ENTPD4: variants seen among roughly 807,000 people sequenced by gnomAD.
ENTPD4 encodes the protein ectonucleoside triphosphate diphosphohydrolase 4.
In ENTPD4, 60 loss-of-function variants were observed where a neutral mutation model predicts 79.1. The ratio of observed to expected loss-of-function variants is 0.76; its 90% CI spans 0.62 to 0.94. The LOEUF (loss-of-function observed/expected upper bound fraction) is 0.94, where lower values mean the gene tolerates loss of function less well. Among genes scored for constraint, ENTPD4 ranks in the 40% least tolerant of loss-of-function variants. The probability of loss-of-function intolerance (pLI) is 0.00; values close to 1 mark genes in which losing one functional copy is unlikely to be tolerated. For missense variants in ENTPD4, 772 were observed against 775.1 expected, an observed-to-expected ratio of 1.00 and a Z score of 0.05; for synonymous variants, 276 against 292.0, an observed-to-expected ratio of 0.95 and a Z score of 0.56.
At chr8:23,441,358 A>G in intron 8 of ENTPD4, 5 of 963,372 alleles carry the variant, frequency 5.2e-6, no homozygotes, top group Non-Finnish European at 6.2e-6. Flanking sequence ...CTCTACGTTC[A>G]GAAAACAAAC....
rs1006878891 is a variant in ENTPD4, at chr8:23,449,895, C to T, written c.6G>A (p.Gly2=). The change falls in exon 2 of 13, where the codon GGG becomes GGA. Residue 2 remains glycine, a splice_region_variant and synonymous_variant. Transcript: ENST00000358689. M[G]RIGISCLFPA... is the part of the protein sequence containing the mutation. ...TGGTGATTAGGCCCATCACTTACCT[C>T]CCCATACTGAAAGGTCAGCAACAAG... 1.2e-6 allele frequency: 2 copies of T among 1,613,286 alleles called. No homozygotes were observed. Among genetic ancestry groups the T allele is most frequent in the South Asian group, 1.1e-5 (1 of 91,068 alleles).
intron 1 of ENTPD4, among the ~76,000 whole-genome samples, chr8:23,456,255 T>A (rs1382722575): frequency 6.6e-6 from 1 of 152,242 alleles, no homozygotes; most frequent in African/African-American, 2.4e-5. Context: ...CCACACAAGC[T>A]GTCTCCATGC....
At chr8:23,433,555 C>A (rs1365065177) in intron 12 of ENTPD4, among the ~76,000 whole-genome samples, 1 of 152,120 alleles carries the variant, frequency 6.6e-6, no homozygotes, top group African/African-American at 2.4e-5. Flanking sequence ...GGGGGAAGAG[C>A]AAATGTCTCA....
chr8:23,448,658 A>G, intron 3 of ENTPD4, 84 bp downstream of exon 3: 1 of 1,128,632 alleles, frequency 8.9e-7, no homozygotes, highest in Non-Finnish European at 1.3e-6. Context: ...CACCCAGTCT[A>G]TGGAATTCTG....
intron 6 of ENTPD4, among the ~76,000 whole-genome samples, chr8:23,442,814 C>T (rs1274344155): frequency 6.6e-6 from 1 of 152,006 alleles, no homozygotes; most frequent in African/African-American, 2.4e-5. Context: ...CCATCTAATC[C>T]ATCCCTGCCC....
In ENTPD4 at chr8:23,448,930, G is replaced by A. The variant is rs1465235003; in HGVS notation, c.18C>T (p.Ile6=). The change falls in exon 3 of 13, where the codon ATC becomes ATT. Residue 6 remains isoleucine (I), a synonymous_variant. Transcript: ENST00000358689. MGRIG[I]SCLFPASWHF... is the part of the protein sequence containing the mutation. ...GCCAAGAAGCAGGAAAAAGACAGGA[G>A]ATGCCAATCCTGAAATTAGAAGGAA... The A allele has an allele frequency of 1.9e-6, 3 of 1,613,142 alleles. No homozygotes were observed. Among genetic ancestry groups the A allele is most frequent in the Non-Finnish European group, 2.5e-6 (3 of 1,179,442 alleles).
chr8:23,456,530 G>A (rs1344499298), intron 1 of ENTPD4, among the ~76,000 whole-genome samples: 2 of 152,042 alleles, frequency 1.3e-5, no homozygotes, highest in Non-Finnish European at 2.9e-5. Flanking sequence ...TATCCTCAAG[G>A]GCCTCAGTCA....
At chr8:23,440,384 T>C (rs556799408) in intron 8 of ENTPD4, among the ~76,000 whole-genome samples, 1 of 152,028 alleles carries the variant, frequency 6.6e-6, no homozygotes, top group Non-Finnish European at 1.5e-5. Context: ...TAAACTAAGA[T>C]TATAACAACC....
At chr8:23,437,879 A>G (rs1800600152) in intron 9 of ENTPD4, among the ~76,000 whole-genome samples, 1 of 152,190 alleles carries the variant, frequency 6.6e-6, no homozygotes, top group African/African-American at 2.4e-5. Context: ...CTAAAAACAG[A>G]CCTTGGTTCA....
chr8:23,434,203 C>T lies in ENTPD4; in HGVS notation c.1622+114G>A, dbSNP rs139776546. On this transcript the variant is annotated intron_variant, in intron 12 of 12. Transcript: ENST00000358689. ...AACGTCACTGTCCCTACAATTCTGC[C>T]GTGGCCGGCTCTAACAGCAATGCCC... 787 of 1,380,636 alleles carry T rather than the reference C, an allele frequency of 5.7e-4. 3 individuals are homozygous for T. The African/African-American group carries it at 0.01, about 18-fold the overall frequency. 85.5% of individuals were successfully genotyped at this position (1,380,636 alleles called of 1,614,324 possible).
chr8:23,431,198 C>G lies in ENTPD4; in HGVS notation c.*1728G>C, dbSNP rs1800448675. On this transcript the variant is annotated 3_prime_UTR_variant, in exon 13 of 13. Transcript: ENST00000358689. ...CCCTAATGCTCAGTTCATGGCAATA[C>G]AGGCCTTTTCTCTCCTGTTTCTCCA... The G allele has an allele frequency of 2.5e-6, 1 of 404,546 alleles. No homozygotes were observed. The highest frequency in any genetic ancestry group is 1.0e-4 in the South Asian group (1 of 9,590). The allele number at this position is 404,546 out of a possible 1,614,324, so 25.1% of individuals were successfully genotyped here.
chr8:23,442,169 G>T, intron 6 of ENTPD4, 103 bp from the exon 7 acceptor site: 1 of 738,838 alleles, frequency 1.4e-6, no homozygotes, highest in South Asian at 1.7e-5. Context: ...TTCACTCCCT[G>T]ATAACCTGTA....
intron 2 of ENTPD4, among the ~76,000 whole-genome samples, chr8:23,449,464 G>A (rs1800821292): frequency 6.6e-6 from 1 of 152,158 alleles, no homozygotes; most frequent in South Asian, 2.1e-4. Context: ...ATTTCTCCCA[G>A]ATGACTTGAG....
At chr8:23,453,934 CAT>C (rs1229942668) in intron 1 of ENTPD4, among the ~76,000 whole-genome samples, 1 of 152,118 alleles carries the variant, frequency 6.6e-6, no homozygotes, top group African/African-American at 2.4e-5. Context: ...AAGGTGATGA[CAT>C]AGATCTATTT....
In ENTPD4 at chr8:23,432,487, G is replaced by C. The variant is rs937186783; in HGVS notation, c.*439C>G. 5 of 986,542 alleles carry C rather than the reference G, an allele frequency of 5.1e-6. No homozygotes were observed. Among genetic ancestry groups the C allele is most frequent in the Non-Finnish European group, 6.0e-6 (5 of 833,186 alleles). 61.1% of individuals were successfully genotyped at this position (986,542 alleles called of 1,614,324 possible). A position where few individuals can be genotyped will look rare whatever the true frequency, so the allele number is the denominator to read the frequency against. On this transcript the variant is annotated 3_prime_UTR_variant, in exon 13 of 13. Transcript: ENST00000358689. ...CTAAACGCAATACTTCTAGACAGCA[G>C]GGCTTATAAACAATGCATTTTTTTT... is the stretch of plus-strand genomic sequence containing the variant.
intron 11 of ENTPD4, among the ~76,000 whole-genome samples, chr8:23,435,138 G>C (rs1448698174): frequency 6.6e-6 from 1 of 152,236 alleles, no homozygotes; most frequent in Non-Finnish European, 1.5e-5. Flanking sequence ...TCTGATGTCT[G>C]GGCAGGACTT....
At chr8:23,449,156 T>G (rs561217533) in intron 2 of ENTPD4, among the ~76,000 whole-genome samples, 6 of 152,322 alleles carry the variant, frequency 3.9e-5, no homozygotes, top group African/African-American at 1.4e-4. Context: ...TTACGACACT[T>G]CTGGGTTTTC....
At chr8:23,446,511 T>G (rs1585408003) in intron 4 of ENTPD4, among the ~76,000 whole-genome samples, 1 of 152,222 alleles carries the variant, frequency 6.6e-6, no homozygotes, top group East Asian at 1.9e-4. Context: ...ACTAAAAAAT[T>G]AATCTTTGTT....
intron 8 of ENTPD4, among the ~76,000 whole-genome samples, chr8:23,440,722 A>G (rs1046112934): frequency 6.6e-6 from 1 of 152,260 alleles, no homozygotes; most frequent in Non-Finnish European, 1.5e-5. Context: ...GCAGTGCATT[A>G]GATATACTGG....
Sources: allele counts gnomAD v4.1 joint callset (sites outside exome capture counted in the v4.1 genomes callset), GRCh38; gene constraint gnomAD v4.1.1; transcripts MANE v1.5; gene names NCBI Gene and HGNC (gene_info 2026-07-23, HGNC 2026-07-21).